Variants in WDR33 observed in about 807,000 individuals in gnomAD.
The protein encoded by WDR33 is WD repeat domain 33.
A neutral mutation model predicts 164.9 loss-of-function variants in WDR33; 47 were observed. The observed-to-expected ratio is 0.29, with a 90% CI of 0.23 to 0.36. The LOEUF is 0.36. Among genes scored for constraint, WDR33 ranks in the 10% least tolerant of loss-of-function variants. WDR33 has a pLI of 1.00. For synonymous variants in WDR33, 505 were observed against 589.0 expected, an observed-to-expected ratio of 0.86 and a Z score of 2.06; for missense variants, 1,137 against 1,754.1, an observed-to-expected ratio of 0.65 and a Z score of 6.28.
chr2:127,735,368 G>A lies in WDR33; in HGVS notation c.725-8591C>T, dbSNP rs1363892800. 21 of 985,194 alleles carry A rather than the reference G, an allele frequency of 2.1e-5. No homozygotes were observed. Among genetic ancestry groups the A allele is most frequent in the East Asian group, 1.1e-4 (1 of 8,820 alleles). 61.0% of individuals were successfully genotyped at this position (985,194 alleles called of 1,614,324 possible). A position where few individuals can be genotyped will look rare whatever the true frequency, so the allele number is the denominator to read the frequency against. On this transcript the variant is annotated intron_variant, in intron 7 of 21. Transcript: ENST00000322313. The surrounding 1 kb of genome is among the most constrained non-coding windows in gnomAD (Gnocchi z 4.3). ...GACAGTCCATAGGATCCCAAAGCTC[G>A]GTGAACAGTCTGAAAACCAATACAT...
intron 7 of WDR33, among the ~76,000 whole-genome samples, chr2:127,755,561 A>G (rs1687494235): frequency 6.6e-6 from 1 of 152,186 alleles, no homozygotes; most frequent in South Asian, 2.1e-4. Context: ...CTATTTCTCA[A>G]TGGAAGCAGT....
intron 1 of WDR33, among the ~76,000 whole-genome samples, chr2:127,785,293 A>T (rs760307617): frequency 6.6e-6 from 1 of 152,212 alleles, no homozygotes; most frequent in African/African-American, 2.4e-5. Flanking sequence ...CATTTGTTAG[A>T]ATCAATGAAC....
Position 127,763,628 on chromosome 2 carries a change from C to T in WDR33, c.627-469G>A, listed in dbSNP as rs2105434102. 1.0e-6 allele frequency: 1 copy of T among 990,488 alleles called. No individual in the cohort carries two copies. Among genetic ancestry groups the T allele is most frequent in the South Asian group, 4.6e-5 (1 of 21,708 alleles). The allele number at this position is 990,488 out of a possible 1,614,324, so 61.4% of individuals were successfully genotyped here. On this transcript the variant is annotated intron_variant, in intron 6 of 21. Transcript: ENST00000322313. This position sits in a 1 kb window ranked among gnomAD's most constrained non-coding sequence, Gnocchi z 4.5. The stretch of plus-strand genomic sequence containing the variant: ...GGGCTGTCTATTAAAAGACTGATTG[C>T]TAAACATCCCTACATACAATGTTTC...
rs371473045 is a variant in WDR33, at chr2:127,713,748, C to T, written c.3143G>A (p.Gly1048Glu). 7 of 1,614,246 alleles carry T rather than the reference C, an allele frequency of 4.3e-6. No individual in the cohort carries two copies. The highest frequency in any genetic ancestry group is 5.1e-6 in the Non-Finnish European group (6 of 1,180,026). The change falls in exon 18 of 22, where the codon GGG (glycine) becomes GAG (glutamate). Residue 1048 changes from glycine to glutamate, a missense_variant. Gly to Glu is a moderately conservative substitution (Grantham distance 98). Coordinates refer to ENST00000322313, the MANE Select transcript of WDR33 (RefSeq NM_018383.5). The surrounding 1 kb of genome is among the most constrained non-coding windows in gnomAD (Gnocchi z 6.2). ...AGGGGGAAACGGAGGCCCAGGGCCC[C>T]CTCGCCTCCACTTCTCTTCTTGCGG... is the stretch of plus-strand genomic sequence containing the variant. ...PLPQEEKWRR[G>E]GPGPPFPPDH...
chr2:127,762,889 C>A (rs1687719069), intron 7 of WDR33, 173 bp downstream of exon 7: 2 of 1,411,622 alleles, frequency 1.4e-6, no homozygotes, highest in East Asian at 5.2e-5. Flanking sequence ...TAAAAACCTA[C>A]AAAATGACTG....
intron 7 of WDR33, among the ~76,000 whole-genome samples, chr2:127,732,070 G>A (rs1167130560): frequency 1.4e-5 from 2 of 143,842 alleles, no homozygotes; most frequent in African/African-American, 5.1e-5. Context: ...GCTGGGTGAT[G>A]GAGAGCTTGT....
At chr2:127,780,392 A>C (rs1688329908) in intron 1 of WDR33, among the ~76,000 whole-genome samples, 2 of 152,150 alleles carry the variant, frequency 1.3e-5, no homozygotes, top group African/African-American at 4.8e-5. Context: ...TTGATACCCA[A>C]TCTGTCATTG....
intron 1 of WDR33, among the ~76,000 whole-genome samples, chr2:127,786,215 T>G (rs1031926531): frequency 6.6e-6 from 1 of 152,174 alleles, no homozygotes. Context: ...TTCTTTTTTT[T>G]GTAGAGACAG....
Position 127,724,218 on chromosome 2 carries a change from C to T in WDR33, c.1196+115G>A. 2 of 739,974 alleles carry T rather than the reference C, an allele frequency of 2.7e-6. No homozygotes were observed. The highest frequency in any genetic ancestry group is 2.1e-6 in the Non-Finnish European group (1 of 477,648). 45.8% of individuals were successfully genotyped at this position (739,974 alleles called of 1,614,324 possible). A position where few individuals can be genotyped will look rare whatever the true frequency, so the allele number is the denominator to read the frequency against. On this transcript the variant is annotated intron_variant, in intron 11 of 21. Coordinates refer to ENST00000322313, the MANE Select transcript of WDR33 (RefSeq NM_018383.5). The surrounding 1 kb of genome is among the most constrained non-coding windows in gnomAD (Gnocchi z 4.8). The stretch of plus-strand genomic sequence containing the variant: ...TTGTAAACCACTACAAAAATATTCC[C>T]AAGAATAAGTTGGAATATAAATTAC...
Position 127,706,344 on chromosome 2 carries a change from C to T in WDR33, c.3990G>A (p.Arg1330=), listed in dbSNP as rs1384639344. The T allele has an allele frequency of 6.3e-7, 1 of 1,583,282 alleles. No homozygotes were observed. The highest frequency in any genetic ancestry group is 8.6e-7 in the Non-Finnish European group (1 of 1,164,400). ...GCTTCTACCGACCCCTTCCACCACCCCGTGAAGCTCCTCGCCTCGGCGGGC... is the reference window on the plus strand; with the variant it reads ...GCTTCTACCGACCCCTTCCACCACCTCGTGAAGCTCCTCGCCTCGGCGGGC... The part of the protein sequence containing the change: ...NSGPPRRGAS[R]GGGRGR The change falls in exon 22 of 22, where the codon CGG becomes CGA. Residue 1330 remains arginine (R), a synonymous_variant. Transcript: ENST00000322313. This position sits in a 1 kb window ranked among gnomAD's most constrained non-coding sequence, Gnocchi z 5.1.
chr2:127,719,192 C>T lies in WDR33; in HGVS notation c.2760+73G>A. On this transcript the variant is annotated intron_variant, in intron 16 of 21. Coordinates refer to ENST00000322313, the MANE Select transcript of WDR33 (RefSeq NM_018383.5). This position sits in a 1 kb window ranked among gnomAD's most constrained non-coding sequence, Gnocchi z 6.5. ...TATATCCAGCTGTGACCATTTTCCA[C>T]AATACTCAGCAGTATTACTTCTGTG... The T allele has an allele frequency of 7.5e-7, 1 of 1,327,554 alleles. No homozygotes were observed. Among genetic ancestry groups the T allele is most frequent in the African/African-American group, 1.5e-5 (1 of 67,046 alleles). The allele number at this position is 1,327,554 out of a possible 1,614,324, so 82.2% of individuals were successfully genotyped here. A position where few individuals can be genotyped will look rare whatever the true frequency, so the allele number is the denominator to read the frequency against.
At chr2:127,711,768 A>ATTTTTTTTTTTTTTTT (rs1441301170) in intron 18 of WDR33, among the ~76,000 whole-genome samples, 3 of 70,264 alleles carry the variant, frequency 4.3e-5, no homozygotes, top group African/African-American at 1.1e-4. Flanking sequence ...ATATATATAT[A>ATTTTTTTTTTTTTTTT]TATATATATA....
chr2:127,768,114 T>C, intron 4 of WDR33, 75 bp downstream of exon 4: 1 of 877,588 alleles, frequency 1.1e-6, no homozygotes, highest in Non-Finnish European at 1.6e-6. Context: ...TGTTTAATTT[T>C]CTTTGCCCTG....
intron 7 of WDR33, among the ~76,000 whole-genome samples, chr2:127,751,532 C>A (rs80273770): frequency 0.013 from 1,959 of 149,454 alleles, 43 homozygotes; most frequent in African/African-American, 0.044. Flanking sequence ...ACCTGGGCAA[C>A]AGAGCGAAAT....
chr2:127,707,241 A>T (rs1359349395), intron 21 of WDR33, among the ~76,000 whole-genome samples: 1 of 151,616 alleles, frequency 6.6e-6, no homozygotes, highest in African/African-American at 2.4e-5. Context: ...AAAAAAAAAA[A>T]AAAAGAAAAA....
At position 127,725,056 on chromosome 2, in the gene WDR33, C is replaced by G; in HGVS notation, c.1006+5G>C. On this transcript the variant is annotated splice_donor_5th_base_variant and intron_variant, in intron 9 of 21. Coordinates refer to ENST00000322313, the MANE Select transcript of WDR33 (RefSeq NM_018383.5). ...GTCAATGAGAAGCATATCACAGCCA[C>G]TGACCTGTGGCTTCTTTCTTATGAC... is the stretch of plus-strand genomic sequence containing the variant. 1 of 1,613,984 alleles carries G rather than the reference C, an allele frequency of 6.2e-7. No homozygotes were observed. Among genetic ancestry groups the G allele is most frequent in the Non-Finnish European group, 8.5e-7 (1 of 1,179,938 alleles).
chr2:127,759,547 C>T (rs1441044126), intron 7 of WDR33, among the ~76,000 whole-genome samples: 3 of 151,638 alleles, frequency 2.0e-5, no homozygotes, highest in Non-Finnish European at 2.9e-5. Flanking sequence ...AAAAATTAGC[C>T]GGGCATGGTG....
chr2:127,757,986 G>A (rs185588951), intron 7 of WDR33, among the ~76,000 whole-genome samples: 90 of 152,202 alleles, frequency 5.9e-4, no homozygotes, highest in African/African-American at 2.0e-3. Context: ...TGGTGAGTAC[G>A]TAAGTGTTCA....
intron 2 of WDR33, among the ~76,000 whole-genome samples, chr2:127,769,337 C>A (rs929406215): frequency 5.9e-5 from 9 of 151,890 alleles, no homozygotes; most frequent in African/African-American, 2.2e-4. Flanking sequence ...AAACTACAAG[C>A]CAGAAATCAC....
Sources: gnomAD v4.1 joint callset for allele counts (sites outside exome capture counted in the v4.1 genomes callset) on GRCh38, gnomAD v4.1.1 for gene constraint, Gnocchi (gnomAD v3.1) non-coding constraint, MANE v1.5 for transcripts, NCBI Gene and HGNC (gene_info 2026-07-23, HGNC 2026-07-21) for gene names.